PPP1R14C: variants seen among roughly 807,000 people sequenced by gnomAD.
PPP1R14C encodes protein phosphatase 1 regulatory subunit 14C.
In PPP1R14C, 16 loss-of-function variants were observed where a neutral mutation model predicts 20.4. The observed-to-expected ratio is 0.78, with a 90% CI of 0.53 to 1.19. The LOEUF (loss-of-function observed/expected upper bound fraction) is 1.19. PPP1R14C is among the 50% of genes most tolerant of loss of function. The pLI, the probability that PPP1R14C is intolerant of heterozygous loss-of-function variation, is 0.00. For synonymous variants in PPP1R14C, 91 were observed against 91.0 expected (o/e 1.00, Z 0.00); for missense variants, 211 against 220.1 (o/e 0.96, Z 0.26).
At chr6:150,198,399 T>G (rs1777835661) in intron 1 of PPP1R14C, among the ~76,000 whole-genome samples, 1 of 152,224 alleles carries the variant, frequency 6.6e-6, no homozygotes, top group African/African-American at 2.4e-5. Flanking sequence ...CTGCTGTGGC[T>G]GCGTGGTTGT....
At chr6:150,192,746 C>T (rs78918675) in intron 1 of PPP1R14C, among the ~76,000 whole-genome samples, 6,707 of 152,282 alleles carry the variant, frequency 0.044, 305 homozygotes, top group East Asian at 0.12. Flanking sequence ...TCTTACACAG[C>T]CGGAGTCAGA....
At chr6:150,232,138 T>C (rs1778303258) in intron 3 of PPP1R14C, among the ~76,000 whole-genome samples, 1 of 152,234 alleles carries the variant, frequency 6.6e-6, no homozygotes, top group African/African-American at 2.4e-5. Flanking sequence ...GCTATTTCAT[T>C]GTTTCAACAA....
At chr6:150,148,973 A>G (rs770765123) in intron 1 of PPP1R14C, among the ~76,000 whole-genome samples, 112 of 152,108 alleles carry the variant, frequency 7.4e-4, no homozygotes, top group Non-Finnish European at 1.3e-3. Context: ...CTGAGGTGGG[A>G]GGATCACCTG....
At chr6:150,214,709 A>G in intron 1 of PPP1R14C, 35 bp from the exon 2 acceptor site, 1 of 1,546,316 alleles carries the variant, frequency 6.5e-7, no homozygotes, top group Non-Finnish European at 8.9e-7. Flanking sequence ...TTCTTACTAA[A>G]TTAAATGCCT....
chr6:150,196,135 C>A (rs1203455621), intron 1 of PPP1R14C: 22 of 984,698 alleles, frequency 2.2e-5, no homozygotes, highest in South Asian at 4.7e-5. Flanking sequence ...GAAGTCATTG[C>A]AATACACTGT....
At chr6:150,202,743 G>A (rs1038523072) in intron 1 of PPP1R14C, among the ~76,000 whole-genome samples, 1 of 152,170 alleles carries the variant, frequency 6.6e-6, no homozygotes, top group African/African-American at 2.4e-5. Context: ...CCCAGCCCTC[G>A]GCTGTAAGAA....
At chr6:150,178,394 A>G (rs1438207979) in intron 1 of PPP1R14C, among the ~76,000 whole-genome samples, 1 of 152,212 alleles carries the variant, frequency 6.6e-6, no homozygotes, top group Non-Finnish European at 1.5e-5. Flanking sequence ...AAGGAGCGAG[A>G]CCAGCTGGAG....
intron 1 of PPP1R14C, among the ~76,000 whole-genome samples, chr6:150,152,119 CAAAAAAAAAAAA>C (rs577869928): frequency 3.5e-5 from 3 of 85,006 alleles, no homozygotes; most frequent in Admixed American, 1.1e-4. Flanking sequence ...GACTCCGTCT[CAAAAAAAAAAAA>C]AAAAAAAAAA....
chr6:150,200,354 G>A (rs1207621777), intron 1 of PPP1R14C, among the ~76,000 whole-genome samples: 1 of 152,066 alleles, frequency 6.6e-6, no homozygotes, highest in Non-Finnish European at 1.5e-5. Flanking sequence ...ACCCCTCATG[G>A]TGCCGGGGTC....
intron 1 of PPP1R14C, among the ~76,000 whole-genome samples, chr6:150,191,963 G>T (rs1777751256): frequency 6.6e-6 from 1 of 152,184 alleles, no homozygotes; most frequent in Admixed American, 6.5e-5. Context: ...ATTACTGTGT[G>T]CACAGAGGCT....
At chr6:150,233,465 T>A (rs749689548) in intron 3 of PPP1R14C, among the ~76,000 whole-genome samples, 2 of 152,196 alleles carry the variant, frequency 1.3e-5, no homozygotes, top group African/African-American at 4.8e-5. Context: ...CTTCTAATAT[T>A]AAACATTGAA....
intron 3 of PPP1R14C, among the ~76,000 whole-genome samples, chr6:150,233,631 C>T (rs1013524744): frequency 3.3e-5 from 5 of 152,128 alleles, no homozygotes; most frequent in Non-Finnish European, 5.9e-5. Context: ...TTGTAAGGAG[C>T]GCCCCCCTCC....
At chr6:150,154,288 T>C (rs908501935) in intron 1 of PPP1R14C, among the ~76,000 whole-genome samples, 1 of 152,208 alleles carries the variant, frequency 6.6e-6, no homozygotes, top group Non-Finnish European at 1.5e-5. Flanking sequence ...GGGCAGGATG[T>C]ATGCTTTGTG....
Position 150,143,516 on chromosome 6 carries a change from T to C in PPP1R14C, c.306+18T>C. On this transcript the variant is annotated intron_variant, in intron 1 of 3. Coordinates refer to ENST00000361131, the MANE Select transcript of PPP1R14C (RefSeq NM_030949.3). This position sits in a 1 kb window ranked among gnomAD's most constrained non-coding sequence, Gnocchi z 5.6. ...GCTGCGAGGTACCTGGGCGCGGGGCTGGGAGGGTCGGGGACCTCTCTAGCT... is the reference window on the plus strand; with the variant it reads ...GCTGCGAGGTACCTGGGCGCGGGGCCGGGAGGGTCGGGGACCTCTCTAGCT... 1.2e-6 allele frequency: 1 copy of C among 806,572 alleles called. No individual in the cohort carries two copies. The highest frequency in any genetic ancestry group is 2.0e-6 in the Non-Finnish European group (1 of 511,392). The allele number at this position is 806,572 out of a possible 1,614,324, so 50.0% of individuals were successfully genotyped here. A position where few individuals can be genotyped will look rare whatever the true frequency, so the allele number is the denominator to read the frequency against.
chr6:150,203,990 C>T (rs995359859), intron 1 of PPP1R14C, among the ~76,000 whole-genome samples: 4 of 152,210 alleles, frequency 2.6e-5, no homozygotes, highest in Non-Finnish European at 5.9e-5. Context: ...TAGCCCAGGA[C>T]CAGTGCCAAG....
intron 2 of PPP1R14C, among the ~76,000 whole-genome samples, chr6:150,216,559 C>A (rs549678726): frequency 0.017 from 2,383 of 142,938 alleles, 60 homozygotes; most frequent in African/African-American, 0.057. Flanking sequence ...GCTATGGTAG[C>A]AAAAAAAAAA....
intron 1 of PPP1R14C, 63 bp from the exon 2 acceptor site, chr6:150,214,681 G>A: frequency 8.3e-7 from 1 of 1,204,242 alleles, no homozygotes. Context: ...TAACCTAACT[G>A]GTGGGGTACA....
intron 1 of PPP1R14C, among the ~76,000 whole-genome samples, chr6:150,172,862 C>T (rs892521367): frequency 3.9e-5 from 6 of 152,202 alleles, no homozygotes; most frequent in Non-Finnish European, 2.9e-5. Flanking sequence ...ATGTAGGTTA[C>T]AAGGTCGCTC....
At chr6:150,194,727 A>C in intron 1 of PPP1R14C, 1 of 985,422 alleles carries the variant, frequency 1.0e-6, no homozygotes, top group Non-Finnish European at 1.2e-6. Flanking sequence ...TATAAAACGT[A>C]AAAGAGGCTC....
Sources: gnomAD v4.1 joint callset for allele counts (sites outside exome capture counted in the v4.1 genomes callset) on GRCh38, gnomAD v4.1.1 for gene constraint, Gnocchi (gnomAD v3.1) non-coding constraint, MANE v1.5 for transcripts, NCBI Gene and HGNC (gene_info 2026-07-23, HGNC 2026-07-21) for gene names.